The following PLCB1 variants were observed in gnomAD, a reference collection of about 807,000 sequenced individuals.
The protein encoded by PLCB1 is 1-phosphatidylinositol 4,5-bisphosphate phosphodiesterase beta-1.
In PLCB1, 46 loss-of-function variants were observed where a neutral mutation model predicts 161.8. That is an observed-to-expected ratio of 0.28 (90% CI 0.22 to 0.36). The LOEUF (loss-of-function observed/expected upper bound fraction) is 0.36, where lower values mean the gene tolerates loss of function less well. Ranked by LOEUF, PLCB1 falls within the 10% of genes least tolerant of loss-of-function variation. The pLI is 1.00. For missense variants in PLCB1, 1,016 were observed against 1,472.5 expected (o/e 0.69, Z 5.07); for synonymous variants, 517 against 503.7 (o/e 1.03, Z -0.35).
chr20:8,297,892 GT>G lies in PLCB1; in HGVS notation c.178-73475del, dbSNP rs749268293. On this transcript the variant is annotated intron_variant, in intron 2 of 31. Coordinates refer to ENST00000338037, the MANE Select transcript of PLCB1 (RefSeq NM_015192.4). ...ACCACCTTAGTAGATTTCTTTTTGG[GT>G]TTTTTTTTTTTTTTGCCAAAATCTT... Among the ~76,000 whole-genome samples the G allele has an allele frequency of 7.1e-3, 943 of 132,596 alleles. 5 individuals carry two copies. The highest frequency in any genetic ancestry group is 0.02 in the Middle Eastern group (5 of 256). 87.0% of individuals were successfully genotyped at this position (132,596 alleles called of 152,430 possible). A position where few individuals can be genotyped will look rare whatever the true frequency, so the allele number is the denominator to read the frequency against.
At chr20:8,809,031 T>C (rs989744758) in intron 31 of PLCB1, among the ~76,000 whole-genome samples, 6 of 152,220 alleles carry the variant, frequency 3.9e-5, no homozygotes, top group Non-Finnish European at 7.3e-5. Context: ...AGGGTCTCAC[T>C]GTGTTTCCTG....
chr20:8,514,600 C>T lies in PLCB1; in HGVS notation c.247-113694C>T, dbSNP rs112180319. ...GCTGAGAAGAAAACAGATTATCTAC[C>T]GTAATAAAGCAAGAAACCCAATCCC... On this transcript the variant is annotated intron_variant, in intron 3 of 31. Transcript: ENST00000338037. 6.5e-3 allele frequency among the ~76,000 whole-genome samples: 982 copies of T among 152,144 alleles called. 8 individuals are homozygous for T. Among genetic ancestry groups the T allele is most frequent in the African/African-American group, 0.022 (921 of 41,514 alleles).
intron 31 of PLCB1, among the ~76,000 whole-genome samples, chr20:8,849,684 A>T (rs758648858): frequency 4.1e-5 from 6 of 147,262 alleles, no homozygotes; most frequent in Admixed American, 7.0e-5. Context: ...TCAATAAAAT[A>T]AAATTAAATT....
chr20:8,267,530 T>A (rs551281901), intron 2 of PLCB1, among the ~76,000 whole-genome samples: 13 of 152,310 alleles, frequency 8.5e-5, no homozygotes, highest in South Asian at 2.1e-4. Flanking sequence ...CTCCTGTTCC[T>A]GAGAGTCACT....
intron 31 of PLCB1, among the ~76,000 whole-genome samples, chr20:8,874,772 T>C (rs946573688): frequency 1.3e-5 from 2 of 152,088 alleles, no homozygotes; most frequent in Admixed American, 1.3e-4. Flanking sequence ...CAAACAATGC[T>C]AAATCAATGC....
At chr20:8,529,753 A>G (rs1263319853) in intron 3 of PLCB1, among the ~76,000 whole-genome samples, 1 of 152,072 alleles carries the variant, frequency 6.6e-6, no homozygotes, top group Non-Finnish European at 1.5e-5. Flanking sequence ...ATATTTTCAA[A>G]TAGTTTAACG....
At chr20:8,533,769 T>G (rs549838621) in intron 3 of PLCB1, among the ~76,000 whole-genome samples, 1 of 152,098 alleles carries the variant, frequency 6.6e-6, no homozygotes, top group South Asian at 2.1e-4. Flanking sequence ...TATTAGCCCT[T>G]TGTCAGATGA....
intron 2 of PLCB1, among the ~76,000 whole-genome samples, chr20:8,364,267 A>T (rs1450772099): frequency 6.6e-6 from 1 of 152,230 alleles, no homozygotes; most frequent in Non-Finnish European, 1.5e-5. Flanking sequence ...ATTAAAAATG[A>T]AAAGTTATCT....
intron 1 of PLCB1, among the ~76,000 whole-genome samples, chr20:8,142,638 T>G (rs758256774): frequency 2.0e-5 from 3 of 152,180 alleles, no homozygotes; most frequent in Non-Finnish European, 4.4e-5. Context: ...TGAAAAGCCC[T>G]TAAAGAAATT....
chr20:8,243,512 G>A lies in PLCB1; in HGVS notation c.177+93141G>A, dbSNP rs112148798. ...TATATTTTTAGGCGTCTATAACTCC[G>A]GCTAAGGGAGCTATGTACCTCCTAA... On this transcript the variant is annotated intron_variant, in intron 2 of 31. Coordinates refer to ENST00000338037, the MANE Select transcript of PLCB1 (RefSeq NM_015192.4). Among the ~76,000 whole-genome samples the A allele has an allele frequency of 9.2e-5, 14 of 151,948 alleles. 1 individual carries two copies. Among genetic ancestry groups the A allele is most frequent in the African/African-American group, 3.1e-4 (13 of 41,474 alleles).
chr20:8,350,835 T>C (rs934751998), intron 2 of PLCB1, among the ~76,000 whole-genome samples: 1 of 152,214 alleles, frequency 6.6e-6, no homozygotes, highest in Non-Finnish European at 1.5e-5. Flanking sequence ...CAGAAAACTC[T>C]GATAAAATAA....
At chr20:8,637,906 A>G (rs1235703354) in intron 4 of PLCB1, among the ~76,000 whole-genome samples, 3 of 152,184 alleles carry the variant, frequency 2.0e-5, no homozygotes, top group Non-Finnish European at 2.9e-5. Context: ...TTATTGATTT[A>G]TTTTTGAGAC....
intron 3 of PLCB1, among the ~76,000 whole-genome samples, chr20:8,446,425 A>G (rs1197026600): frequency 6.6e-6 from 1 of 152,214 alleles, no homozygotes; most frequent in Non-Finnish European, 1.5e-5. Flanking sequence ...AATAAGAGCT[A>G]TTTATGACAA....
At chr20:8,563,244 T>C (rs1457295401) in intron 3 of PLCB1, among the ~76,000 whole-genome samples, 1 of 151,990 alleles carries the variant, frequency 6.6e-6, no homozygotes, top group Non-Finnish European at 1.5e-5. Context: ...TTAAAAATGA[T>C]GTGGTTCTGG....
At chr20:8,272,302 ATAT>A (rs1230257236) in intron 2 of PLCB1, among the ~76,000 whole-genome samples, 3 of 152,150 alleles carry the variant, frequency 2.0e-5, no homozygotes, top group Non-Finnish European at 4.4e-5. Flanking sequence ...GACTAGGGTA[ATAT>A]TATCACTGTT....
chr20:8,519,634 G>A (rs1239535776), intron 3 of PLCB1, among the ~76,000 whole-genome samples: 4 of 152,092 alleles, frequency 2.6e-5, no homozygotes, highest in Non-Finnish European at 5.9e-5. Context: ...ATAAAGGCAG[G>A]AGACACATTC....
At chr20:8,404,943 C>T (rs1978720119) in intron 3 of PLCB1, among the ~76,000 whole-genome samples, 1 of 152,124 alleles carries the variant, frequency 6.6e-6, no homozygotes, top group Admixed American at 6.6e-5. Flanking sequence ...TCTCTCAACC[C>T]TTAATTCCTA....
At chr20:8,467,759 T>G (rs188088460) in intron 3 of PLCB1, among the ~76,000 whole-genome samples, 23 of 152,306 alleles carry the variant, frequency 1.5e-4, no homozygotes, top group Non-Finnish European at 3.4e-4. Context: ...TTTTGGATTT[T>G]TATCAGAACA....
chr20:8,553,861 G>T (rs759373307), intron 3 of PLCB1, among the ~76,000 whole-genome samples: 1 of 151,878 alleles, frequency 6.6e-6, no homozygotes, highest in Middle Eastern at 3.4e-3. Context: ...AATTAGCTGG[G>T]CATGGTGGTA....
Sources: gnomAD v4.1 joint callset for allele counts (sites outside exome capture counted in the v4.1 genomes callset) on GRCh38, gnomAD v4.1.1 for gene constraint, MANE v1.5 for transcripts, NCBI Gene and HGNC (gene_info 2026-07-23, HGNC 2026-07-21) for gene names.